Variants in RFTN2 observed in about 807,000 individuals in gnomAD.
RFTN2 encodes raftlin family member 2.
RFTN2 carries 34 observed loss-of-function variants against 52.7 expected under a neutral mutation model. The ratio of observed to expected loss-of-function variants is 0.64; its 90% confidence interval spans 0.49 to 0.86. The LOEUF (loss-of-function observed/expected upper bound fraction) is 0.86. Ranked by LOEUF, RFTN2 falls within the 40% of genes least tolerant of loss-of-function variation. RFTN2 has a pLI of 0.00. For synonymous variants in RFTN2, 203 were observed against 217.7 expected (o/e 0.93, Z 0.59); for missense variants, 536 against 600.1 (o/e 0.89, Z 1.12).
At chr2:197,611,892 G>T (rs1358962502) in intron 7 of RFTN2, among the ~76,000 whole-genome samples, 1 of 152,116 alleles carries the variant, frequency 6.6e-6, no homozygotes, top group East Asian at 1.9e-4. Flanking sequence ...TAAGGAGCAG[G>T]GTGTTCAGTT....
At chr2:197,589,409 C>T (rs2106178862) in intron 8 of RFTN2, among the ~76,000 whole-genome samples, 1 of 152,168 alleles carries the variant, frequency 6.6e-6, no homozygotes, top group East Asian at 1.9e-4. Context: ...ATTACCCAGT[C>T]TCAGGTATGT....
At chr2:197,619,119 C>T (rs1158608209) in intron 5 of RFTN2, among the ~76,000 whole-genome samples, 12 of 150,322 alleles carry the variant, frequency 8.0e-5, no homozygotes, top group East Asian at 2.0e-4. Flanking sequence ...CCAGCCGCCC[C>T]GTCCGGGAGG....
chr2:197,638,556 T>C (rs2088607943), intron 3 of RFTN2, among the ~76,000 whole-genome samples: 1 of 81,626 alleles, frequency 1.2e-5, no homozygotes, highest in African/African-American at 6.2e-5. Context: ...AGACTAGGAT[T>C]GCAACCCTTG....
intron 1 of RFTN2, among the ~76,000 whole-genome samples, chr2:197,649,070 T>A (rs575686384): frequency 5.3e-5 from 8 of 152,300 alleles, no homozygotes; most frequent in African/African-American, 1.7e-4. Context: ...AATGAAGTTA[T>A]TGCATAAAAA....
chr2:197,629,139 C>T (rs543701951), intron 5 of RFTN2, among the ~76,000 whole-genome samples: 8 of 152,286 alleles, frequency 5.3e-5, no homozygotes, highest in South Asian at 4.1e-4. Flanking sequence ...TAAAGACACA[C>T]GTACACGTAT....
At position 197,615,887 on chromosome 2, in the gene RFTN2, C is replaced by T; in HGVS notation, c.1143G>A (p.Leu381=). 1 of 1,544,976 alleles carries T rather than the reference C, an allele frequency of 6.5e-7. No homozygotes were observed. The highest frequency in any genetic ancestry group is 8.8e-7 in the Non-Finnish European group (1 of 1,139,368). ...LLTSVLPTPV[L]RHDSEGNLAT... is the part of the protein sequence containing the mutation. Reference sequence around the variant, plus strand: ...TACTTTTGCCTTACCTGTCATGTCTCAATACAGGTGTGGGCAACACGCTTG... The same window carrying T: ...TACTTTTGCCTTACCTGTCATGTCTTAATACAGGTGTGGGCAACACGCTTG... The change falls in exon 7 of 9, where the codon TTG becomes TTA. Residue 381 remains leucine, a synonymous_variant. Coordinates refer to ENST00000295049, the MANE Select transcript of RFTN2 (RefSeq NM_144629.3).
In RFTN2 at chr2:197,568,909, A is replaced by C. The variant is rs1476444964; in HGVS notation, c.*3099T>G. On this transcript the variant is annotated 3_prime_UTR_variant, in exon 9 of 9. Coordinates refer to ENST00000295049, the MANE Select transcript of RFTN2 (RefSeq NM_144629.3). ...ATAAACACCTGCTCCTGATAACACA[A>C]ATGATTTGGAGATAGTTGTGATTTG... 6.6e-6 allele frequency: 1 copy of C among 152,116 alleles called. No homozygotes were observed. The highest frequency in any genetic ancestry group is 1.5e-5 in the Non-Finnish European group (1 of 68,014). 9.4% of individuals were successfully genotyped at this position (152,116 alleles called of 1,614,324 possible). A position where few individuals can be genotyped will look rare whatever the true frequency, so the allele number is the denominator to read the frequency against.
At chr2:197,620,225 T>C (rs1451524709) in intron 5 of RFTN2, among the ~76,000 whole-genome samples, 2 of 151,946 alleles carry the variant, frequency 1.3e-5, no homozygotes, top group Non-Finnish European at 2.9e-5. Flanking sequence ...AGGAAGACCC[T>C]AAACAGAAGT....
intron 6 of RFTN2, among the ~76,000 whole-genome samples, chr2:197,616,202 C>T (rs986842996): frequency 2.0e-4 from 31 of 151,802 alleles, no homozygotes; most frequent in African/African-American, 6.3e-4. Context: ...TTTGGGCCTT[C>T]CTTTGGTCTT....
intron 1 of RFTN2, among the ~76,000 whole-genome samples, chr2:197,670,112 C>T (rs769694173): frequency 9.2e-5 from 14 of 152,090 alleles, no homozygotes; most frequent in South Asian, 4.1e-4. Context: ...TAAGAGTTGG[C>T]GAACTGTGGC....
In RFTN2 at chr2:197,570,356, C is replaced by G. The variant is rs1308677325; in HGVS notation, c.*1652G>C. 6.6e-6 allele frequency: 1 copy of G among 152,150 alleles called. No homozygotes were observed. The highest frequency in any genetic ancestry group is 2.4e-5 in the African/African-American group (1 of 41,428). 9.4% of individuals were successfully genotyped at this position (152,150 alleles called of 1,614,324 possible). A position where few individuals can be genotyped will look rare whatever the true frequency, so the allele number is the denominator to read the frequency against. Reference sequence around the variant, plus strand: ...GAATAATTCCTGTTAATTTTATCAGCAATTAATGGAGATTGACTTAGTTTA... The same window carrying G: ...GAATAATTCCTGTTAATTTTATCAGGAATTAATGGAGATTGACTTAGTTTA... On this transcript the variant is annotated 3_prime_UTR_variant, in exon 9 of 9. Coordinates refer to ENST00000295049, the MANE Select transcript of RFTN2 (RefSeq NM_144629.3).
Position 197,619,490 on chromosome 2 carries a change from G to A in RFTN2, c.929-1569C>T, listed in dbSNP as rs1464661161. ...ACATGTGCTGTATCCACTCAGGGTT[G>A]AATGGATTAAGGGCGGTGCAAGATG... On this transcript the variant is annotated intron_variant, in intron 5 of 8. Transcript: ENST00000295049. Among the ~76,000 whole-genome samples the A allele has an allele frequency of 3.1e-3, 467 of 151,566 alleles. 2 individuals are homozygous for A. Among genetic ancestry groups the A allele is most frequent in the Non-Finnish European group, 5.4e-3 (365 of 67,712 alleles).
At chr2:197,661,017 C>T (rs2088969581) in intron 1 of RFTN2, among the ~76,000 whole-genome samples, 1 of 151,982 alleles carries the variant, frequency 6.6e-6, no homozygotes, top group Non-Finnish European at 1.5e-5. Context: ...ACCTGATAAT[C>T]TACATTTCTT....
intron 3 of RFTN2, among the ~76,000 whole-genome samples, chr2:197,634,784 G>C (rs2088534248): frequency 6.7e-6 from 1 of 150,114 alleles, no homozygotes; most frequent in Non-Finnish European, 1.5e-5. Context: ...TGTGCACATT[G>C]TGCAGGTTAG....
At chr2:197,595,670 G>A (rs751534261) in intron 8 of RFTN2, among the ~76,000 whole-genome samples, 33 of 152,188 alleles carry the variant, frequency 2.2e-4, no homozygotes, top group East Asian at 3.8e-4. Flanking sequence ...AATTTATGTC[G>A]CCTTTATAAA....
At position 197,569,033 on chromosome 2, in the gene RFTN2, T is replaced by C. The variant is rs2087276070; in HGVS notation, c.*2975A>G. On this transcript the variant is annotated 3_prime_UTR_variant, in exon 9 of 9. Coordinates refer to ENST00000295049, the MANE Select transcript of RFTN2 (RefSeq NM_144629.3). ...CCTTTTCTCTTTTACTGAAATGAAT[T>C]GTAATGACACTGATAGAGCTGATTT... The C allele has an allele frequency of 6.6e-6, 1 of 152,224 alleles. No individual in the cohort carries two copies. The allele number at this position is 152,224 out of a possible 1,614,324, so 9.4% of individuals were successfully genotyped here. A position where few individuals can be genotyped will look rare whatever the true frequency, so the allele number is the denominator to read the frequency against.
intron 5 of RFTN2, among the ~76,000 whole-genome samples, chr2:197,626,617 CT>C (rs71012985): frequency 0.2 from 17,477 of 87,656 alleles, 1,025 homozygotes; most frequent in East Asian, 0.38. Context: ...GAATAATCTT[CT>C]TTTTTTTTTT....
At chr2:197,658,583 G>A (rs2088927732) in intron 1 of RFTN2, among the ~76,000 whole-genome samples, 1 of 151,974 alleles carries the variant, frequency 6.6e-6, no homozygotes, top group Non-Finnish European at 1.5e-5. Context: ...CTCTGTGCCT[G>A]GCCCCTATTA....
intron 8 of RFTN2, among the ~76,000 whole-genome samples, chr2:197,589,122 G>A (rs1351753388): frequency 6.7e-6 from 1 of 149,734 alleles, no homozygotes; most frequent in Non-Finnish European, 1.5e-5. Flanking sequence ...TCAGGAGGCT[G>A]AGGCAGGCAG....
Sources: gnomAD v4.1 joint callset for allele counts (sites outside exome capture counted in the v4.1 genomes callset) on GRCh38, gnomAD v4.1.1 for gene constraint, MANE v1.5 for transcripts, NCBI Gene and HGNC (gene_info 2026-07-23, HGNC 2026-07-21) for gene names.